Variants in IL1RAPL1 observed in about 807,000 individuals in gnomAD.
IL1RAPL1 encodes interleukin 1 receptor accessory protein like 1.
A neutral mutation model predicts 48.4 loss-of-function variants in IL1RAPL1; 3 were observed. The ratio of observed to expected loss-of-function variants is 0.06; its 90% CI spans 0.03 to 0.16. IL1RAPL1 has a LOEUF of 0.16. IL1RAPL1 is among the 10% of genes least tolerant of loss of function. IL1RAPL1 has a pLI of 1.00. For missense variants in IL1RAPL1, 349 were observed against 530.6 expected (o/e 0.66, Z 3.36); for synonymous variants, 185 against 187.7 (o/e 0.99, Z 0.12).
intron 2 of IL1RAPL1, among the ~76,000 whole-genome samples, chrX:28,959,485 ATTAT>A (rs780875448): frequency 1.2e-4 from 13 of 112,040 alleles, no homozygotes; most frequent in Non-Finnish European, 2.3e-4. Flanking sequence ...TATCACCAAT[ATTAT>A]TTAAGCCTTT....
At chrX:28,694,983 A>G (rs1378125930) in intron 1 of IL1RAPL1, among the ~76,000 whole-genome samples, 1 of 110,152 alleles carries the variant, frequency 9.1e-6, no homozygotes, top group Non-Finnish European at 1.9e-5. Context: ...TTTTAACTTG[A>G]TCTTCAATTG....
chrX:29,791,210 T>C lies in IL1RAPL1; in HGVS notation c.778+122706T>C, dbSNP rs191646455. ...ATTACTTGTTTATTTATTTGTTTGC[T>C]TCTCCACCTCCCCCAACCCCATTAC... On this transcript the variant is annotated intron_variant, in intron 6 of 10. Transcript: ENST00000378993. 2.7e-3 allele frequency among the ~76,000 whole-genome samples: 301 copies of C among 110,484 alleles called. 3 individuals are homozygous for C. Among genetic ancestry groups the C allele is most frequent in the African/African-American group, 9.5e-3 (288 of 30,421 alleles).
At chrX:28,801,000 G>A (rs1211770718) in intron 2 of IL1RAPL1, among the ~76,000 whole-genome samples, 2 of 108,942 alleles carry the variant, frequency 1.8e-5, no homozygotes, top group Non-Finnish European at 3.8e-5. Flanking sequence ...TCCTACCTCA[G>A]CCTCCTGAGT....
intron 6 of IL1RAPL1, among the ~76,000 whole-genome samples, chrX:29,825,499 T>A (rs760510260): frequency 9.0e-6 from 1 of 111,428 alleles, no homozygotes; most frequent in Non-Finnish European, 1.9e-5. Context: ...TCCAGATATA[T>A]CTCCACCAAA....
chrX:29,500,534 T>C (rs1224120487), intron 5 of IL1RAPL1, among the ~76,000 whole-genome samples: 3 of 112,014 alleles, frequency 2.7e-5, no homozygotes, highest in African/African-American at 9.7e-5. Context: ...TATTTATCTT[T>C]CTGTGCCTGG....
At chrX:29,846,796 G>GTA (rs780052241) in intron 6 of IL1RAPL1, among the ~76,000 whole-genome samples, 1 of 35,250 alleles carries the variant, frequency 2.8e-5, no homozygotes, top group African/African-American at 1.8e-4. Context: ...GTATATATAT[G>GTA]TATATACACA....
intron 2 of IL1RAPL1, among the ~76,000 whole-genome samples, chrX:28,943,012 A>G (rs915766723): frequency 9.9e-5 from 11 of 110,788 alleles, no homozygotes; most frequent in Middle Eastern, 4.6e-3. Context: ...CTATAGATCA[A>G]CACATTATGT....
intron 5 of IL1RAPL1, among the ~76,000 whole-genome samples, chrX:29,618,509 C>T (rs1210622276): frequency 9.0e-6 from 1 of 111,449 alleles, no homozygotes; most frequent in Non-Finnish European, 1.9e-5. Flanking sequence ...GTGCTCCCTC[C>T]GGAGGATCTA....
chrX:29,532,036 G>A (rs917718180), intron 5 of IL1RAPL1, among the ~76,000 whole-genome samples: 1 of 111,634 alleles, frequency 9.0e-6, no homozygotes, highest in African/African-American at 3.3e-5. Context: ...CGGGGAGAGG[G>A]GGGGCGCATA....
intron 5 of IL1RAPL1, among the ~76,000 whole-genome samples, chrX:29,479,100 T>C (rs1359829544): frequency 9.1e-6 from 1 of 109,607 alleles, no homozygotes; most frequent in Admixed American, 9.8e-5. Context: ...GTAGTATCTT[T>C]TAAATGAACA....
chrX:28,729,101 T>C (rs1467789966), intron 1 of IL1RAPL1, among the ~76,000 whole-genome samples: 1 of 112,206 alleles, frequency 8.9e-6, no homozygotes, highest in Non-Finnish European at 1.9e-5. Flanking sequence ...TTTTAAACTT[T>C]AATTTGTGCA....
At chrX:29,761,478 T>A (rs2147145574) in intron 6 of IL1RAPL1, among the ~76,000 whole-genome samples, 1 of 112,208 alleles carries the variant, frequency 8.9e-6, no homozygotes, top group South Asian at 3.7e-4. Context: ...AGATCAGCCT[T>A]GATCTGGCTG....
chrX:29,414,817 A>G (rs1343210123), intron 5 of IL1RAPL1, among the ~76,000 whole-genome samples: 1 of 111,905 alleles, frequency 8.9e-6, no homozygotes, highest in Non-Finnish European at 1.9e-5. Flanking sequence ...GGCACTTTAT[A>G]TTAACTGCTT....
At chrX:29,907,209 C>A (rs1932650352) in intron 6 of IL1RAPL1, among the ~76,000 whole-genome samples, 1 of 110,675 alleles carries the variant, frequency 9.0e-6, no homozygotes, top group Non-Finnish European at 1.9e-5. Flanking sequence ...AATTATTTTT[C>A]CTTTTTAATT....
chrX:28,625,744 G>A (rs996147748), intron 1 of IL1RAPL1, among the ~76,000 whole-genome samples: 1 of 110,072 alleles, frequency 9.1e-6, no homozygotes, highest in African/African-American at 3.3e-5. Flanking sequence ...ATGCGTGTGT[G>A]TGTGTGTGTG....
chrX:29,621,878 T>A (rs980019824), intron 5 of IL1RAPL1, among the ~76,000 whole-genome samples: 2 of 111,996 alleles, frequency 1.8e-5, no homozygotes, highest in Non-Finnish European at 3.8e-5. Flanking sequence ...TTTTTTTCTA[T>A]CAAACTCTAT....
chrX:29,942,813 G>T (rs1381565891), intron 9 of IL1RAPL1, among the ~76,000 whole-genome samples: 2 of 110,347 alleles, frequency 1.8e-5, no homozygotes, highest in Non-Finnish European at 3.8e-5. Context: ...TAGAGACAGG[G>T]TTTCACCATG....
intron 2 of IL1RAPL1, among the ~76,000 whole-genome samples, chrX:29,221,532 T>A (rs1051889795): frequency 1.8e-5 from 2 of 109,819 alleles, no homozygotes; most frequent in African/African-American, 6.6e-5. Context: ...GGAACATTTA[T>A]CTTGAAAATC....
At chrX:29,882,967 A>C (rs1287673916) in intron 6 of IL1RAPL1, among the ~76,000 whole-genome samples, 1 of 111,828 alleles carries the variant, frequency 8.9e-6, no homozygotes, top group Non-Finnish European at 1.9e-5. Context: ...AATAATCAGT[A>C]AATAGTTTGC....
Sources: gnomAD v4.1 joint callset for allele counts (sites outside exome capture counted in the v4.1 genomes callset) on GRCh38, gnomAD v4.1.1 for gene constraint, MANE v1.5 for transcripts, NCBI Gene and HGNC (gene_info 2026-07-23, HGNC 2026-07-21) for gene names.